Variants in COBL observed in about 807,000 individuals in gnomAD.
COBL encodes the protein cordon-bleu WH2 repeat protein.
COBL carries 51 observed loss-of-function variants against 98.8 expected under a neutral mutation model. The ratio of observed to expected loss-of-function variants is 0.52; its 90% CI spans 0.41 to 0.65. The LOEUF is 0.65. COBL is among the 30% of genes least tolerant of loss of function. The pLI is 0.00. For synonymous variants in COBL, 634 were observed against 651.7 expected, an observed-to-expected ratio of 0.97 and a Z score of 0.41; for missense variants, 1,617 against 1,617.5, an observed-to-expected ratio of 1.00 and a Z score of 0.01.
chr7:51,097,650 T>G (rs1795395937), intron 6 of COBL, among the ~76,000 whole-genome samples: 1 of 152,168 alleles, frequency 6.6e-6, no homozygotes, highest in Non-Finnish European at 1.5e-5. Context: ...TTTTATACAC[T>G]AACAATAAAC....
chr7:51,162,734 A>G lies in COBL; in HGVS notation c.783+21368T>C, dbSNP rs140704161. Among the ~76,000 whole-genome samples, 9 of 152,354 alleles carry G rather than the reference A, an allele frequency of 5.9e-5. No homozygotes were observed. In the East Asian group the frequency reaches 1.7e-3, roughly 29 times the overall value. ...AAGTGGGCAGTTTAGCAGATGAGGA[A>G]AGTGAAGATAGGTTCTGCATGCTGG... On this transcript the variant is annotated intron_variant, in intron 5 of 12. Coordinates refer to ENST00000265136, the MANE Select transcript of COBL (RefSeq NM_015198.5).
chr7:51,202,923 C>T (rs187650922), intron 2 of COBL, among the ~76,000 whole-genome samples: 118 of 152,196 alleles, frequency 7.8e-4, no homozygotes, highest in Non-Finnish European at 1.5e-3. Context: ...GGCCTGTAAT[C>T]CCAGCTACTT....
At chr7:51,020,394 A>G (rs910055954) in intron 12 of COBL, among the ~76,000 whole-genome samples, 1 of 152,178 alleles carries the variant, frequency 6.6e-6, no homozygotes, top group African/African-American at 2.4e-5. Flanking sequence ...TCTGGCTGAG[A>G]GGTCCTGAGG....
chr7:51,287,592 C>T (rs547560272), intron 1 of COBL, among the ~76,000 whole-genome samples: 2 of 152,306 alleles, frequency 1.3e-5, no homozygotes, highest in Admixed American at 1.3e-4. Context: ...ATGTTAAACA[C>T]TTTATGCATA....
At chr7:51,210,674 G>T (rs1792325636) in intron 2 of COBL, among the ~76,000 whole-genome samples, 1 of 152,188 alleles carries the variant, frequency 6.6e-6, no homozygotes, top group South Asian at 2.1e-4. Context: ...GATGTTTCCT[G>T]CAGGGTTTGA....
intron 7 of COBL, among the ~76,000 whole-genome samples, chr7:51,057,601 T>C (rs1026732332): frequency 9.2e-5 from 14 of 152,150 alleles, no homozygotes; most frequent in African/African-American, 2.4e-4. Context: ...GAAACTAGTA[T>C]AGAATTGTTT....
chr7:51,073,470 C>A, intron 7 of COBL: 1 of 582,754 alleles, frequency 1.7e-6, no homozygotes, highest in Admixed American at 2.5e-5. Flanking sequence ...TTTCCAGCCC[C>A]TGGAGATTTA....
At chr7:51,024,683 G>C (rs138450335) in intron 12 of COBL, among the ~76,000 whole-genome samples, 1 of 66,840 alleles carries the variant, frequency 1.5e-5, no homozygotes. Flanking sequence ...ATGAATGAAT[G>C]AATGAATGAA....
chr7:51,167,486 A>G (rs76470649), intron 5 of COBL, among the ~76,000 whole-genome samples: 12,685 of 152,190 alleles, frequency 0.083, 608 homozygotes, highest in Middle Eastern at 0.14. Context: ...ATGTATTGCT[A>G]AAATTTCCAT....
intron 12 of COBL, chr7:51,020,825 A>AT (rs1455204504): frequency 3.9e-5 from 6 of 152,246 alleles, no homozygotes; most frequent in African/African-American, 1.4e-4. Flanking sequence ...ACATCATTGG[A>AT]TTCACACCGT....
At chr7:51,246,962 G>A (rs961034754) in intron 1 of COBL, among the ~76,000 whole-genome samples, 1 of 152,170 alleles carries the variant, frequency 6.6e-6, no homozygotes, top group Non-Finnish European at 1.5e-5. Context: ...AGCCCAGCAC[G>A]CCCCAGTAAG....
rs571852579 is a variant in COBL, at chr7:51,056,310, G to A, written c.1097-12618C>T. ...CCTGAGTGTGAGCAAATGGGACCCCGAGATGCTGGAGAAAACAGAGGAGAG... is the reference window on the plus strand; with the variant it reads ...CCTGAGTGTGAGCAAATGGGACCCCAAGATGCTGGAGAAAACAGAGGAGAG... On this transcript the variant is annotated intron_variant, in intron 7 of 12. Transcript: ENST00000265136. Among the ~76,000 whole-genome samples the A allele has an allele frequency of 2.9e-4, 44 of 152,002 alleles. 1 individual carries two copies. The highest frequency in any genetic ancestry group is 3.4e-3 in the Middle Eastern group (1 of 294).
chr7:51,298,885 C>T (rs1801654744), intron 1 of COBL, among the ~76,000 whole-genome samples: 1 of 152,230 alleles, frequency 6.6e-6, no homozygotes, highest in Non-Finnish European at 1.5e-5. Flanking sequence ...GTCAAATCCA[C>T]TTGTCCGAGC....
intron 6 of COBL, among the ~76,000 whole-genome samples, chr7:51,128,255 G>T (rs1197468104): frequency 6.6e-6 from 1 of 152,182 alleles, no homozygotes; most frequent in African/African-American, 2.4e-5. Context: ...CCACAACTCA[G>T]ATAACAACAG....
intron 8 of COBL, chr7:51,031,201 A>C: frequency 3.0e-6 from 1 of 330,688 alleles, no homozygotes; most frequent in Non-Finnish European, 5.5e-6. Context: ...TGGGGCCCCA[A>C]AGTGTTACAG....
intron 8 of COBL, chr7:51,032,763 T>C (rs188390034): frequency 6.6e-6 from 1 of 152,326 alleles, no homozygotes; most frequent in Admixed American, 6.5e-5. Flanking sequence ...TGAATGCACT[T>C]TACTAAAGTT....
chr7:51,237,839 G>C (rs1304702164), intron 1 of COBL, among the ~76,000 whole-genome samples: 1 of 152,182 alleles, frequency 6.6e-6, no homozygotes, highest in East Asian at 1.9e-4. Context: ...GTCCCCAAAA[G>C]GGTGTGACAG....
At chr7:51,234,422 C>T (rs536114029) in intron 1 of COBL, among the ~76,000 whole-genome samples, 7 of 152,316 alleles carry the variant, frequency 4.6e-5, no homozygotes, top group Admixed American at 1.3e-4. Flanking sequence ...CCGAAAAGGC[C>T]GAGCGCAGTG....
rs115105772 is a variant in COBL, at chr7:51,247,851, G to T, written c.42-27907C>A. Among the ~76,000 whole-genome samples, 716 of 152,292 alleles carry T rather than the reference G, an allele frequency of 4.7e-3. 3 individuals carry two copies. The highest frequency in any genetic ancestry group is 0.016 in the African/African-American group (663 of 41,546). ...ATAAACAACAAACACAAGGCCAGGC[G>T]CAATGGCTCATGTCTGTAATTCCAG... On this transcript the variant is annotated intron_variant, in intron 1 of 12. Transcript: ENST00000265136.
Sources: allele counts gnomAD v4.1 joint callset (sites outside exome capture counted in the v4.1 genomes callset), GRCh38; gene constraint gnomAD v4.1.1; transcripts MANE v1.5; gene names NCBI Gene and HGNC (gene_info 2026-07-23, HGNC 2026-07-21).